Variants in PRRC2C observed in about 807,000 individuals in gnomAD.
The protein encoded by PRRC2C is protein PRRC2C.
A neutral mutation model predicts 317.2 loss-of-function variants in PRRC2C; 72 were observed. The ratio of observed to expected loss-of-function variants is 0.23; its 90% confidence interval spans 0.19 to 0.28. The LOEUF (loss-of-function observed/expected upper bound fraction) is 0.28, where lower values mean the gene tolerates loss of function less well. PRRC2C is among the 10% of genes least tolerant of loss of function. The probability of loss-of-function intolerance (pLI) is 1.00; values close to 1 mark genes in which losing one functional copy is unlikely to be tolerated. For synonymous variants in PRRC2C, 1,296 were observed against 1,205.9 expected (o/e 1.07, Z -1.55); for missense variants, 3,074 against 3,459.7 (o/e 0.89, Z 2.80).
At chr1:171,573,009 T>G (rs918230361) in intron 24 of PRRC2C, among the ~76,000 whole-genome samples, 1 of 152,174 alleles carries the variant, frequency 6.6e-6, no homozygotes, top group Non-Finnish European at 1.5e-5. Flanking sequence ...TTATTATCAG[T>G]GGGTTCATGA....
chr1:171,551,456 T>A (rs1017963174), intron 18 of PRRC2C, among the ~76,000 whole-genome samples: 13 of 152,214 alleles, frequency 8.5e-5, no homozygotes, highest in Non-Finnish European at 1.6e-4. Context: ...GCAGAAGCTC[T>A]TTAGTTTAAT....
chr1:171,505,433 T>G (rs1291044097), intron 1 of PRRC2C, among the ~76,000 whole-genome samples: 3 of 152,254 alleles, frequency 2.0e-5, no homozygotes, highest in African/African-American at 7.2e-5. Context: ...ATTGATCTTA[T>G]ATGCTCTTGT....
intron 1 of PRRC2C, among the ~76,000 whole-genome samples, chr1:171,488,429 A>G (rs907617376): frequency 6.6e-6 from 1 of 152,266 alleles, no homozygotes; most frequent in African/African-American, 2.4e-5. Context: ...ATTCCTCGCT[A>G]ATCTCATCGA....
chr1:171,548,768 T>TCC (rs1679641032), intron 17 of PRRC2C, among the ~76,000 whole-genome samples: 1 of 152,246 alleles, frequency 6.6e-6, no homozygotes, highest in South Asian at 2.1e-4. Flanking sequence ...CTTGAGTTGT[T>TCC]CATCACCTAG....
chr1:171,513,560 G>C (rs2294293), intron 3 of PRRC2C: 68,427 of 405,226 alleles, frequency 0.17, 6,454 homozygotes, highest in Middle Eastern at 0.28. Flanking sequence ...GAAACTGCCT[G>C]ATGTTTCATA....
At chr1:171,486,104 A>G (rs553662248) in intron 1 of PRRC2C, among the ~76,000 whole-genome samples, 258 of 125,280 alleles carry the variant, frequency 2.1e-3, no homozygotes, top group African/African-American at 7.7e-3. Flanking sequence ...GCGGACGTGA[A>G]GTCTTTTTTT....
intron 2 of PRRC2C, 87 bp from the exon 3 acceptor site, chr1:171,512,908 A>C: frequency 1.6e-6 from 2 of 1,228,600 alleles, no homozygotes; most frequent in Non-Finnish European, 2.2e-6. Context: ...GGATTGCATT[A>C]ATTCCTATTG....
At chr1:171,510,112 A>G (rs1021234494) in intron 1 of PRRC2C, 1 of 152,144 alleles carries the variant, frequency 6.6e-6, no homozygotes, top group African/African-American at 2.4e-5. Context: ...CAGTCTCCCA[A>G]AGTGCTGGGA....
chr1:171,588,353 C>T, intron 32 of PRRC2C, 26 bp from the exon 33 acceptor site: 1 of 1,611,318 alleles, frequency 6.2e-7, no homozygotes, highest in Non-Finnish European at 8.5e-7. Flanking sequence ...TATTACTATA[C>T]TGACTAGTAA....
At chr1:171,547,883 C>A (rs1388578873) in intron 17 of PRRC2C, among the ~76,000 whole-genome samples, 2 of 152,088 alleles carry the variant, frequency 1.3e-5, no homozygotes, top group African/African-American at 4.8e-5. Flanking sequence ...AAACTCCTGA[C>A]TTCAAGTGAT....
At chr1:171,582,994 T>C (rs1204192724) in intron 28 of PRRC2C, among the ~76,000 whole-genome samples, 2 of 152,178 alleles carry the variant, frequency 1.3e-5, no homozygotes, top group African/African-American at 2.4e-5. Flanking sequence ...TTTTTGTTTG[T>C]TTTTTTGAGA....
rs539372342 is a variant in PRRC2C at position 171,540,183 on chromosome 1, T to C, written c.2717T>C (p.Leu906Ser). 7.3e-4 allele frequency: 1,183 copies of C among 1,613,858 alleles called. 11 individuals are homozygous for C. In the South Asian group the frequency reaches 0.012, roughly 17 times the overall value. The change falls in exon 16 of 35, where the codon TTA (leucine) becomes TCA (serine). Residue 906 changes from leucine (L) to serine (S), a missense_variant. Leu to Ser is a moderately radical substitution (Grantham distance 145). This residue lies in a region of PRRC2C where 1,320 missense variants were observed against 1,395.7 expected (regional missense o/e 0.95). Transcript: ENST00000647382. ...ACFEAPDQKT[L>S]SAPQEERISA... ...TTTGAAGCACCTGATCAAAAGACCT[T>C]ATCCGCTCCTCAAGAGGAGCGGATT... is the stretch of plus-strand genomic sequence containing the variant.
intron 13 of PRRC2C, 105 bp from the exon 14 acceptor site, chr1:171,535,918 CTTACTT>C (rs1676749762): frequency 6.6e-6 from 9 of 1,370,542 alleles, no homozygotes; most frequent in African/African-American, 5.8e-5. Flanking sequence ...CTTTTGAACT[CTTACTT>C]TTCCTTCAAG....
At chr1:171,512,853 GTTTTAAAATTATTA>G in intron 2 of PRRC2C, 128 bp from the exon 3 acceptor site, 1 of 771,162 alleles carries the variant, frequency 1.3e-6, no homozygotes. Context: ...GTGTAGCTTA[GTTTTAAAATTATTA>G]TTTTAAAATA....
Position 171,542,236 on chromosome 1 carries a change from A to G in PRRC2C, c.4763+7A>G. ...CAAAAAGTGGGAAGAGAGGGTGAGT[A>G]CTTTGTTTTAAATATAGTTGCTTTT... On this transcript the variant is annotated splice_region_variant and intron_variant, in intron 16 of 34. Coordinates refer to ENST00000647382, the MANE Select transcript of PRRC2C (RefSeq NM_001387844.1). 4 of 1,506,430 alleles carry G rather than the reference A, an allele frequency of 2.7e-6. No individual in the cohort carries two copies. Among genetic ancestry groups the G allele is most frequent in the African/African-American group, 1.4e-5 (1 of 71,026 alleles). The allele number at this position is 1,506,430 out of a possible 1,614,324, so 93.3% of individuals were successfully genotyped here.
chr1:171,532,388 T>G lies in PRRC2C; in HGVS notation c.1300T>G (p.Phe434Val). 1 of 1,613,902 alleles carries G rather than the reference T, an allele frequency of 6.2e-7. No individual in the cohort carries two copies. The highest frequency in any genetic ancestry group is 8.5e-7 in the Non-Finnish European group (1 of 1,179,852). The change falls in exon 12 of 35, where the codon TTT (phenylalanine) becomes GTT (valine). Residue 434 changes from phenylalanine (F) to valine (V), a missense_variant. Physicochemically the swap from Phe to Val is conservative, Grantham distance 50. Transcript: ENST00000647382. ...GGCAGTACCTGGAAGACCAGGCCCC[T>G]TTCCCTCCAAGCAGCAAGTAGCTGA... ...RQAVPGRPGP[F>V]PSKQQVADED...
intron 7 of PRRC2C, chr1:171,522,549 C>T (rs892004137): frequency 2.8e-5 from 5 of 180,342 alleles, no homozygotes; most frequent in Non-Finnish European, 3.5e-5. Flanking sequence ...GTGGGCGATT[C>T]GCCTGAGGTC....
At chr1:171,491,551 G>A (rs1667150059) in intron 1 of PRRC2C, among the ~76,000 whole-genome samples, 1 of 152,202 alleles carries the variant, frequency 6.6e-6, no homozygotes. Context: ...GACTCCTTAA[G>A]GAGACATATT....
At chr1:171,542,981 C>T (rs1300215296) in intron 16 of PRRC2C, among the ~76,000 whole-genome samples, 3 of 145,774 alleles carry the variant, frequency 2.1e-5, no homozygotes, top group African/African-American at 2.5e-5. Context: ...AGGATGGTCT[C>T]GATATCCTGA....
Sources: gnomAD v4.1 joint callset for allele counts (sites outside exome capture counted in the v4.1 genomes callset) on GRCh38, gnomAD v4.1.1 for gene constraint, gnomAD v4.1.1 regional missense constraint, MANE v1.5 for transcripts, NCBI Gene and HGNC (gene_info 2026-07-23, HGNC 2026-07-21) for gene names.